The following RNF216 variants were observed in gnomAD, a reference collection of about 807,000 sequenced individuals.
RNF216 encodes E3 ubiquitin-protein ligase RNF216.
In RNF216, 72 loss-of-function variants were observed where a neutral mutation model predicts 110.8. The ratio of observed to expected loss-of-function variants is 0.65; its 90% confidence interval spans 0.54 to 0.79. The LOEUF is 0.79. RNF216 is among the 30% of genes least tolerant of loss of function. The probability of loss-of-function intolerance (pLI) is 0.00; values close to 1 mark genes in which losing one functional copy is unlikely to be tolerated. For synonymous variants in RNF216, 495 were observed against 407.5 expected, an observed-to-expected ratio of 1.21 and a Z score of -2.59; for missense variants, 1,342 against 1,141.2, an observed-to-expected ratio of 1.18 and a Z score of -2.54.
intron 13 of RNF216, among the ~76,000 whole-genome samples, chr7:5,669,051 G>C (rs956696831): frequency 6.6e-6 from 1 of 152,192 alleles, no homozygotes; most frequent in African/African-American, 2.4e-5. Flanking sequence ...AAGAGCATTA[G>C]AGAGTATTTC....
intron 13 of RNF216, among the ~76,000 whole-genome samples, chr7:5,655,667 T>C (rs1293465383): frequency 6.6e-6 from 1 of 151,180 alleles, no homozygotes; most frequent in Non-Finnish European, 1.5e-5. Flanking sequence ...AAACCCACAA[T>C]TAAAATAAGG....
intron 15 of RNF216, among the ~76,000 whole-genome samples, chr7:5,640,266 T>A (rs1483421805): frequency 6.6e-6 from 1 of 152,284 alleles, no homozygotes; most frequent in South Asian, 2.1e-4. Flanking sequence ...GAATTTATTA[T>A]TTTTTAGTCT....
chr7:5,626,042 G>C (rs892673382), intron 15 of RNF216, among the ~76,000 whole-genome samples: 1 of 152,188 alleles, frequency 6.6e-6, no homozygotes, highest in Non-Finnish European at 1.5e-5. Flanking sequence ...AGAGAGGAGA[G>C]GTGACAAAGG....
chr7:5,689,861 A>G (rs1243033226), intron 13 of RNF216, among the ~76,000 whole-genome samples: 1 of 151,714 alleles, frequency 6.6e-6, no homozygotes, highest in Non-Finnish European at 1.5e-5. Context: ...AATCACTTGA[A>G]TCCAGGAGGC....
At chr7:5,734,340 C>T (rs994875791) in intron 5 of RNF216, among the ~76,000 whole-genome samples, 19 of 152,084 alleles carry the variant, frequency 1.2e-4, no homozygotes, top group African/African-American at 4.3e-4. Flanking sequence ...GAAAAGAAAT[C>T]AGACTCAAAA....
At chr7:5,693,894 G>C (rs1017699456) in intron 13 of RNF216, among the ~76,000 whole-genome samples, 1 of 152,142 alleles carries the variant, frequency 6.6e-6, no homozygotes, top group Non-Finnish European at 1.5e-5. Context: ...TAAGAAATCA[G>C]CCTTAAAAAT....
rs1794618875 is a variant in RNF216 at position 5,739,305 on chromosome 7, A to G, written c.1092T>C (p.Ile364=). The part of the protein sequence containing the change: ...DVANGFIEEI[I]HFKNYYDLNV... Reference sequence around the variant, plus strand: ...TCAGATCATAATAATTCTTAAAATGAATTATTTCCTCAATAAACCCATTTG... The same window carrying G: ...TCAGATCATAATAATTCTTAAAATGGATTATTTCCTCAATAAACCCATTTG... Residue 364 remains isoleucine, a synonymous_variant, in exon 5 of 17, where the codon ATT becomes ATC. Transcript: ENST00000389902. 1 of 1,597,372 alleles carries G rather than the reference A, an allele frequency of 6.3e-7. No individual in the cohort carries two copies. The highest frequency in any genetic ancestry group is 2.2e-5 in the East Asian group (1 of 44,760).
chr7:5,703,277 T>A (rs1017988158), intron 13 of RNF216, among the ~76,000 whole-genome samples: 1 of 152,244 alleles, frequency 6.6e-6, no homozygotes, highest in Non-Finnish European at 1.5e-5. Flanking sequence ...TAGGAACAAG[T>A]GGCCCAAGCT....
chr7:5,675,280 A>T lies in RNF216; in HGVS notation c.2062-22770T>A, dbSNP rs114926721. 4.7e-3 allele frequency among the ~76,000 whole-genome samples: 709 copies of T among 152,296 alleles called. 3 individuals carry two copies. The highest frequency in any genetic ancestry group is 0.016 in the African/African-American group (675 of 41,562). ...TCTGCACACACGCTAGGTTCTGCAC[A>T]GACAAGAATTAGAAGCCCCAGAGGG... On this transcript the variant is annotated intron_variant, in intron 13 of 16. Transcript: ENST00000389902.
At chr7:5,720,889 T>C (rs913995850) in intron 9 of RNF216, 144 bp downstream of exon 9, 4 of 724,930 alleles carry the variant, frequency 5.5e-6, no homozygotes, top group Non-Finnish European at 8.6e-6. Flanking sequence ...AATCCAGGTT[T>C]TTTCTTTTAA....
rs148642312 is a variant in RNF216, at chr7:5,721,061, T to A, written c.1616A>T (p.Tyr539Phe). The A allele has an allele frequency of 8.1e-5, 130 of 1,614,242 alleles. No homozygotes were observed. In the African/African-American group the frequency reaches 1.4e-3, roughly 18 times the overall value. The stretch of plus-strand genomic sequence containing the variant: ...TGCCATCTCTTTGATTTTCTGCTCA[T>A]AGAACTCCTGCTCTTGTTGCACAGC... ...LPAVQQEQEF[Y>F]EQKIKEMAEH... The change falls in exon 9 of 17, where the codon TAT (tyrosine) becomes TTT (phenylalanine). Residue 539 changes from tyrosine to phenylalanine, a missense_variant. Transcript: ENST00000389902.
chr7:5,743,542 T>C (rs1407754041), intron 3 of RNF216, among the ~76,000 whole-genome samples: 1 of 152,194 alleles, frequency 6.6e-6, no homozygotes, highest in Non-Finnish European at 1.5e-5. Flanking sequence ...AGAAATGCCA[T>C]TAAGTGAAGA....
intron 13 of RNF216, among the ~76,000 whole-genome samples, chr7:5,691,231 C>G (rs183813959): frequency 6.6e-6 from 1 of 152,340 alleles, no homozygotes; most frequent in East Asian, 1.9e-4. Flanking sequence ...GAAGGGGAGA[C>G]AAGCCACCTG....
chr7:5,768,415 G>A (rs1345710355), intron 1 of RNF216, among the ~76,000 whole-genome samples: 1 of 99,900 alleles, frequency 1.0e-5, no homozygotes, highest in Admixed American at 1.2e-4. Context: ...CAGACCTTAA[G>A]GAAGCAAGAT....
At chr7:5,717,489 A>T (rs1407453505) in intron 9 of RNF216, among the ~76,000 whole-genome samples, 1 of 152,230 alleles carries the variant, frequency 6.6e-6, no homozygotes, top group African/African-American at 2.4e-5. Flanking sequence ...ACTGGCACAG[A>T]GTCATCAATG....
At chr7:5,686,771 G>A (rs907446121) in intron 13 of RNF216, among the ~76,000 whole-genome samples, 1 of 152,248 alleles carries the variant, frequency 6.6e-6, no homozygotes. Context: ...CAGTTTCGTG[G>A]AAGACTATTT....
intron 13 of RNF216, among the ~76,000 whole-genome samples, chr7:5,707,570 A>C (rs1025005329): frequency 7.2e-5 from 11 of 152,130 alleles, no homozygotes; most frequent in African/African-American, 2.2e-4. Context: ...TTATCTGTGA[A>C]CTTGCACGGA....
intron 15 of RNF216, among the ~76,000 whole-genome samples, chr7:5,626,696 AAAAG>A (rs1343801245): frequency 5.3e-5 from 8 of 152,166 alleles, no homozygotes; most frequent in South Asian, 2.1e-4. Context: ...GAAGAAAGAA[AAAAG>A]AAAGAAAGTT....
Position 5,730,890 on chromosome 7 carries a change from G to T in RNF216, c.1122-73C>A, listed in dbSNP as rs144366817. On this transcript the variant is annotated intron_variant, in intron 5 of 16. Transcript: ENST00000389902. Reference sequence around the variant, plus strand: ...CCTGCCCATTGCTTCAAATGCAATGGTTGAAGAATATAGTCCTTAGTCACA... The same window carrying T: ...CCTGCCCATTGCTTCAAATGCAATGTTTGAAGAATATAGTCCTTAGTCACA... 4,513 of 1,439,008 alleles carry T rather than the reference G, an allele frequency of 3.1e-3. 86 individuals carry two copies. The African/African-American group carries it at 0.043, about 14-fold the overall frequency. The allele number at this position is 1,439,008 out of a possible 1,614,324, so 89.1% of individuals were successfully genotyped here.
Sources: allele counts gnomAD v4.1 joint callset (sites outside exome capture counted in the v4.1 genomes callset), GRCh38; gene constraint gnomAD v4.1.1; transcripts MANE v1.5; gene names NCBI Gene and HGNC (gene_info 2026-07-23, HGNC 2026-07-21).